The following RSBN1L variants were observed in gnomAD, a reference collection of about 807,000 sequenced individuals.
RSBN1L encodes lysine-specific demethylase RSBN1L.
Under a neutral mutation model 67.7 loss-of-function variants are expected in RSBN1L, and 30 were observed. The observed-to-expected ratio is 0.44, with a 90% confidence interval of 0.33 to 0.60. RSBN1L has a LOEUF of 0.60. Ranked by LOEUF, RSBN1L falls within the 20% of genes least tolerant of loss-of-function variation. RSBN1L has a pLI of 0.02. For synonymous variants in RSBN1L, 433 were observed against 387.0 expected (o/e 1.12, Z -1.39); for missense variants, 992 against 1,031.7 (o/e 0.96, Z 0.53).
intron 2 of RSBN1L, among the ~76,000 whole-genome samples, chr7:77,741,666 T>C (rs1398596210): frequency 6.9e-6 from 1 of 145,964 alleles, no homozygotes; most frequent in Non-Finnish European, 1.5e-5. Flanking sequence ...CACTCCAACC[T>C]GAGTGACAGA....
rs192962833 is a variant in RSBN1L, at chr7:77,769,671, C to T, written c.1625+868C>T. Among the ~76,000 whole-genome samples, 367 of 152,300 alleles carry T rather than the reference C, an allele frequency of 2.4e-3. 3 individuals carry two copies. Among genetic ancestry groups the T allele is most frequent in the Non-Finnish European group, 4.4e-3 (297 of 68,034 alleles). On this transcript the variant is annotated intron_variant, in intron 5 of 7. Coordinates refer to ENST00000334955, the MANE Select transcript of RSBN1L (RefSeq NM_198467.3). The stretch of plus-strand genomic sequence containing the variant: ...GGACTAAGACATTTGGAACTCATGA[C>T]ACACCAAAGTTAATGTACAAAGAGC...
chr7:77,705,175 T>C (rs867530090), intron 1 of RSBN1L, among the ~76,000 whole-genome samples: 2 of 152,192 alleles, frequency 1.3e-5, no homozygotes, highest in Admixed American at 1.3e-4. Flanking sequence ...TTTTAAAAAT[T>C]GTGATAAAAT....
chr7:77,758,574 G>A (rs76228566), intron 3 of RSBN1L, among the ~76,000 whole-genome samples: 1 of 152,098 alleles, frequency 6.6e-6, no homozygotes, highest in Non-Finnish European at 1.5e-5. Context: ...GAAATCGTAG[G>A]CTTTATTCAT....
chr7:77,696,478 A>T lies in RSBN1L; in HGVS notation c.9A>T (p.Glu3Asp). Reference sequence around the variant, plus strand: ...TACAACAGGAGCGCAAAATGGCGGAACCGCCGAGCCCCGTGCACTGTGTCG... The same window carrying T: ...TACAACAGGAGCGCAAAATGGCGGATCCGCCGAGCCCCGTGCACTGTGTCG... MA[E>D]PPSPVHCVAA... The change falls in exon 1 of 8, where the codon GAA (glutamate) becomes GAT (aspartate). Residue 3 changes from glutamate (E) to aspartate (D), a missense_variant. Coordinates refer to ENST00000334955, the MANE Select transcript of RSBN1L (RefSeq NM_198467.3). 1 of 1,606,110 alleles carries T rather than the reference A, an allele frequency of 6.2e-7. No individual in the cohort carries two copies.
chr7:77,718,595 G>A (rs557199621), intron 1 of RSBN1L, among the ~76,000 whole-genome samples: 2 of 152,226 alleles, frequency 1.3e-5, no homozygotes, highest in South Asian at 4.1e-4. Context: ...TGGCCCATCA[G>A]TGTATTTTGT....
intron 1 of RSBN1L, among the ~76,000 whole-genome samples, chr7:77,697,883 T>C (rs1470797209): frequency 6.6e-6 from 1 of 152,236 alleles, no homozygotes; most frequent in Non-Finnish European, 1.5e-5. Context: ...TTTTCAGGTG[T>C]TTCCACCACT....
intron 6 of RSBN1L, among the ~76,000 whole-genome samples, chr7:77,776,545 T>G (rs1032224015): frequency 1.3e-5 from 2 of 152,240 alleles, no homozygotes; most frequent in Non-Finnish European, 2.9e-5. Flanking sequence ...TGTGATTAGC[T>G]TCTTTCACTT....
At chr7:77,749,301 C>A in intron 2 of RSBN1L, 123 bp from the exon 3 acceptor site, 2 of 726,388 alleles carry the variant, frequency 2.8e-6, no homozygotes, top group Non-Finnish European at 4.3e-6. Context: ...AAAAATGAGT[C>A]CTAAATATAT....
Position 77,781,965 on chromosome 7 carries a change from A to G in RSBN1L, c.*2797A>G, listed in dbSNP as rs1275900996. On this transcript the variant is annotated 3_prime_UTR_variant, in exon 8 of 8. Transcript: ENST00000334955. Reference sequence around the variant, plus strand: ...GCCCCACTGCCCTCCAGCCTGGGCGACAGTCTCAAAAAAAAAAAAAAAAAA... The same window carrying G: ...GCCCCACTGCCCTCCAGCCTGGGCGGCAGTCTCAAAAAAAAAAAAAAAAAA... 3 of 132,906 alleles carry G rather than the reference A, an allele frequency of 2.3e-5. No homozygotes were observed. Among genetic ancestry groups the G allele is most frequent in the African/African-American group, 8.8e-5 (3 of 34,040 alleles). 8.2% of individuals were successfully genotyped at this position (132,906 alleles called of 1,614,324 possible).
chr7:77,741,521 C>T (rs894865574), intron 2 of RSBN1L, among the ~76,000 whole-genome samples: 2 of 151,446 alleles, frequency 1.3e-5, no homozygotes, highest in Non-Finnish European at 2.9e-5. Flanking sequence ...GAAACCCTGT[C>T]TCTACTAAAA....
Position 77,773,263 on chromosome 7 carries a change from G to A in RSBN1L, c.1742G>A (p.Arg581Gln), listed in dbSNP as rs778847628. The A allele has an allele frequency of 1.9e-6, 3 of 1,611,338 alleles. No individual in the cohort carries two copies. Among genetic ancestry groups the A allele is most frequent in the Non-Finnish European group, 2.5e-6 (3 of 1,178,670 alleles). Residue 581 changes from arginine (R) to glutamine (Q), a missense_variant, in exon 6 of 8, where the codon CGA becomes CAA. Arg to Gln is a conservative substitution (Grantham distance 43, BLOSUM62 1). This residue lies in a region of RSBN1L where 67 missense variants were observed against 130.5 expected (regional missense o/e 0.51). Transcript: ENST00000334955. ...HADHIGQGFE[R>Q]QTTAAVGVLK... is the part of the protein sequence containing the mutation. ...GATCATATAGGACAAGGTTTTGAAC[G>A]ACAGACTACAGCTGCTGTTGGAGTG...
chr7:77,729,641 C>T (rs1484786597), intron 1 of RSBN1L, among the ~76,000 whole-genome samples: 1 of 152,112 alleles, frequency 6.6e-6, no homozygotes, highest in Non-Finnish European at 1.5e-5. Flanking sequence ...TTCTGAAGAT[C>T]CCATTTGTAT....
intron 1 of RSBN1L, among the ~76,000 whole-genome samples, chr7:77,729,680 C>G (rs1019915625): frequency 6.6e-6 from 1 of 152,188 alleles, no homozygotes; most frequent in Admixed American, 6.5e-5. Flanking sequence ...AGGCTGGGTG[C>G]AGTGGCTCAC....
intron 1 of RSBN1L, among the ~76,000 whole-genome samples, chr7:77,722,610 C>T (rs559102478): frequency 6.6e-6 from 1 of 152,184 alleles, no homozygotes; most frequent in South Asian, 2.1e-4. Context: ...CCTTCATCTC[C>T]TTCAATTTTT....
At chr7:77,740,119 C>A (rs111703270) in intron 2 of RSBN1L, among the ~76,000 whole-genome samples, 13,304 of 151,884 alleles carry the variant, frequency 0.088, 776 homozygotes, top group South Asian at 0.19. Flanking sequence ...TTTATTAATG[C>A]GAAAACCTTA....
chr7:77,761,408 C>G (rs1362007698), intron 3 of RSBN1L, among the ~76,000 whole-genome samples: 1 of 152,162 alleles, frequency 6.6e-6, no homozygotes, highest in Non-Finnish European at 1.5e-5. Context: ...TTCTTTTAAT[C>G]CTTATCTGTT....
chr7:77,765,354 TTATGA>T (rs1475990510), intron 3 of RSBN1L, 136 bp from the exon 4 acceptor site: 4 of 666,614 alleles, frequency 6.0e-6, no homozygotes, highest in African/African-American at 3.7e-5. Context: ...GCTTGCCTCA[TTATGA>T]TATAATATTC....
intron 1 of RSBN1L, among the ~76,000 whole-genome samples, chr7:77,718,734 A>G (rs1429722547): frequency 6.6e-6 from 1 of 152,206 alleles, no homozygotes; most frequent in African/African-American, 2.4e-5. Context: ...TGCATAACAA[A>G]CTGCCCTAAA....
At chr7:77,715,400 G>T (rs1475055101) in intron 1 of RSBN1L, among the ~76,000 whole-genome samples, 1 of 151,520 alleles carries the variant, frequency 6.6e-6, no homozygotes, top group Non-Finnish European at 1.5e-5. Context: ...GTGTGATCTC[G>T]GCTAGGTGAT....
Sources: allele counts gnomAD v4.1 joint callset (sites outside exome capture counted in the v4.1 genomes callset), GRCh38; gene constraint gnomAD v4.1.1; regional missense constraint gnomAD v4.1.1; transcripts MANE v1.5; gene names NCBI Gene and HGNC (gene_info 2026-07-23, HGNC 2026-07-21).